KCNQ1: variants seen among roughly 807,000 people sequenced by gnomAD.
KCNQ1 encodes potassium voltage-gated channel subfamily KQT member 1.
Under a neutral mutation model 72.4 loss-of-function variants are expected in KCNQ1, and 49 were observed. The observed-to-expected ratio is 0.68, with a 90% confidence interval of 0.54 to 0.86. The LOEUF (loss-of-function observed/expected upper bound fraction) is 0.86, where lower values mean the gene tolerates loss of function less well. KCNQ1 is among the 40% of genes least tolerant of loss of function. The pLI is 0.00. For missense variants in KCNQ1, 790 were observed against 945.1 expected (o/e 0.84, Z 2.15); for synonymous variants, 450 against 412.6 (o/e 1.09, Z -1.10).
Position 2,687,283 on chromosome 11 carries a change from T to G in KCNQ1, c.1514+25202T>G. On this transcript the variant is annotated intron_variant, in intron 11 of 15. Coordinates refer to ENST00000155840, the MANE Select transcript of KCNQ1 (RefSeq NM_000218.3). The surrounding 1 kb of genome is among the most constrained non-coding windows in gnomAD (Gnocchi z 5.0). ...GCTTCTCTCCTCTGGCCTCCCACCTTGCAGCTTTGAGATCCCAGGCCTCTC... is the reference window on the plus strand; with the variant it reads ...GCTTCTCTCCTCTGGCCTCCCACCTGGCAGCTTTGAGATCCCAGGCCTCTC... 2.5e-6 allele frequency: 1 copy of G among 398,666 alleles called. No homozygotes were observed. Among genetic ancestry groups the G allele is most frequent in the Non-Finnish European group, 4.4e-6 (1 of 226,114 alleles). 24.7% of individuals were successfully genotyped at this position (398,666 alleles called of 1,614,324 possible).
At chr11:2,742,827 C>T (rs542829517) in intron 11 of KCNQ1, among the ~76,000 whole-genome samples, 2 of 152,176 alleles carry the variant, frequency 1.3e-5, no homozygotes, top group South Asian at 4.1e-4. Context: ...AGTAGGCCAG[C>T]GGCTTAGGGA....
rs1846777260 is a variant in KCNQ1 at position 2,488,463 on chromosome 11, T to C, written c.387-39465T>C. Among the ~76,000 whole-genome samples, 1 of 152,210 alleles carries C rather than the reference T, an allele frequency of 6.6e-6. No homozygotes were observed. Among genetic ancestry groups the C allele is most frequent in the Non-Finnish European group, 1.5e-5 (1 of 68,028 alleles). Reference sequence around the variant, plus strand: ...TCTTTAAATATTTGGTAGGATTCATTGGGGAAGCCATCAGGTCCAGGCTTT... The same window carrying C: ...TCTTTAAATATTTGGTAGGATTCATCGGGGAAGCCATCAGGTCCAGGCTTT... On this transcript the variant is annotated intron_variant, in intron 1 of 15. Transcript: ENST00000155840. The surrounding 1 kb of genome is among the most constrained non-coding windows in gnomAD (Gnocchi z 5.1).
chr11:2,641,081 T>C, intron 10 of KCNQ1: 1 of 398,524 alleles, frequency 2.5e-6, no homozygotes, highest in Non-Finnish European at 4.4e-6. Flanking sequence ...TACACTTAGG[T>C]TCCTGAGTCC....
intron 1 of KCNQ1, among the ~76,000 whole-genome samples, chr11:2,503,432 C>G (rs996709388): frequency 6.6e-6 from 1 of 151,500 alleles, no homozygotes; most frequent in Non-Finnish European, 1.5e-5. Context: ...AGCAAACTAT[C>G]GCAAGGACAG....
chr11:2,726,794 C>T (rs1845772530), intron 11 of KCNQ1, among the ~76,000 whole-genome samples: 1 of 152,220 alleles, frequency 6.6e-6, no homozygotes, highest in African/African-American at 2.4e-5. Flanking sequence ...GTGCCCATCT[C>T]CTCACTGCTT....
At chr11:2,456,956 A>AGC (rs1336315482) in intron 1 of KCNQ1, among the ~76,000 whole-genome samples, 2 of 106,280 alleles carry the variant, frequency 1.9e-5, no homozygotes, top group African/African-American at 9.7e-5. Flanking sequence ...AAAAAAAAAA[A>AGC]AAAAAAAAAC....
chr11:2,547,850 G>A lies in KCNQ1; in HGVS notation c.477+19832G>A, dbSNP rs1191869371. On this transcript the variant is annotated intron_variant, in intron 2 of 15. Transcript: ENST00000155840. This position sits in a 1 kb window ranked among gnomAD's most constrained non-coding sequence, Gnocchi z 4.2. ...GTATGGAGGTGAAGGTCCAGATGTT[G>A]GGGTTTCAGGGTCAAGCATTCCTGG... is the stretch of plus-strand genomic sequence containing the variant. Among the ~76,000 whole-genome samples, 3 of 152,210 alleles carry A rather than the reference G, an allele frequency of 2.0e-5. No homozygotes were observed. Among genetic ancestry groups the A allele is most frequent in the Admixed American group, 6.5e-5 (1 of 15,284 alleles).
At chr11:2,804,715 GGCACAGGATGAGCCTT>G (rs1325945210) in intron 15 of KCNQ1, among the ~76,000 whole-genome samples, 3 of 152,176 alleles carry the variant, frequency 2.0e-5, no homozygotes, top group African/African-American at 7.2e-5. Flanking sequence ...CCTGGCCCTT[GGCACAGGATGAGCCTT>G]GCAGACGGAG....
At position 2,611,147 on chromosome 11, in the gene KCNQ1, G is replaced by A. The variant is rs554756109; in HGVS notation, c.1393+22293G>A. On this transcript the variant is annotated intron_variant, in intron 10 of 15. Transcript: ENST00000155840. This position sits in a 1 kb window ranked among gnomAD's most constrained non-coding sequence, Gnocchi z 5.3. ...TTCTTCCTGTTAAATTTTCCCTTTT[G>A]TCATTGTAAAATGCTTCTCAGTATC... 2.5e-6 allele frequency: 1 copy of A among 398,130 alleles called. No homozygotes were observed. Among genetic ancestry groups the A allele is most frequent in the South Asian group, 1.3e-4 (1 of 7,846 alleles). The allele number at this position is 398,130 out of a possible 1,614,324, so 24.7% of individuals were successfully genotyped here. A position where few individuals can be genotyped will look rare whatever the true frequency, so the allele number is the denominator to read the frequency against.
intron 15 of KCNQ1, among the ~76,000 whole-genome samples, chr11:2,789,231 G>T (rs1472706123): frequency 6.6e-6 from 1 of 152,106 alleles, no homozygotes; most frequent in Non-Finnish European, 1.5e-5. Flanking sequence ...CCCTGTGCTG[G>T]CATGGGTGCG....
intron 1 of KCNQ1, among the ~76,000 whole-genome samples, chr11:2,513,854 C>T (rs1368013830): frequency 6.6e-6 from 1 of 152,210 alleles, no homozygotes; most frequent in Non-Finnish European, 1.5e-5. Flanking sequence ...GGAGGAAGGC[C>T]AGGTGCAGAA....
intron 11 of KCNQ1, chr11:2,697,199 T>TTCTAAGA (rs1850691776): frequency 2.5e-6 from 1 of 398,528 alleles, no homozygotes; most frequent in South Asian, 1.3e-4. Context: ...TAGTTTTAAC[T>TTCTAAGA]TCTAAGATGG....
rs1473050202 is a variant in KCNQ1, at chr11:2,550,837, G to A, written c.478-19791G>A. ...TTCACCTAGCACCTGGCTCCCCGGG[G>A]GCCCAGATGGCAGGCGAGGGGTGCC... On this transcript the variant is annotated intron_variant, in intron 2 of 15. Transcript: ENST00000155840. This position sits in a 1 kb window ranked among gnomAD's most constrained non-coding sequence, Gnocchi z 6.0. Among the ~76,000 whole-genome samples the A allele has an allele frequency of 2.6e-5, 4 of 152,048 alleles. No homozygotes were observed.
intron 11 of KCNQ1, among the ~76,000 whole-genome samples, chr11:2,719,854 G>A (rs2133928352): frequency 6.6e-6 from 1 of 152,330 alleles, no homozygotes; most frequent in Non-Finnish European, 1.5e-5. Context: ...GGCCCTTGGA[G>A]GTGTCCGAAT....
chr11:2,615,985 G>A, intron 10 of KCNQ1: 1 of 398,096 alleles, frequency 2.5e-6, no homozygotes, highest in Non-Finnish European at 4.4e-6. Flanking sequence ...CGCCATCTGT[G>A]TAGCATTTTC....
chr11:2,500,315 C>A (rs947445389), intron 1 of KCNQ1, among the ~76,000 whole-genome samples: 1 of 152,138 alleles, frequency 6.6e-6, no homozygotes. Context: ...CAAATCAAAA[C>A]CACAATGAGA....
chr11:2,689,231 A>G (rs1394040789), intron 11 of KCNQ1: 1 of 398,630 alleles, frequency 2.5e-6, no homozygotes, highest in East Asian at 3.6e-5. Context: ...GTTTAGGCCA[A>G]GCTTTGAAGT....
At chr11:2,832,676 T>G (rs576588932) in intron 15 of KCNQ1, among the ~76,000 whole-genome samples, 1 of 152,332 alleles carries the variant, frequency 6.6e-6, no homozygotes, top group South Asian at 2.1e-4. Flanking sequence ...ATGTTCCCTC[T>G]GTAGCTCCCG....
rs1847291604 is a variant in KCNQ1, at chr11:2,516,517, G to C, written c.387-11411G>C. ...AAGCCTTTGAGATGGACAGGGAGCTGGACCTTCCCAATTCGGTTGCCCTTG... is the reference window on the plus strand; with the variant it reads ...AAGCCTTTGAGATGGACAGGGAGCTCGACCTTCCCAATTCGGTTGCCCTTG... On this transcript the variant is annotated intron_variant, in intron 1 of 15. Coordinates refer to ENST00000155840, the MANE Select transcript of KCNQ1 (RefSeq NM_000218.3). This position sits in a 1 kb window ranked among gnomAD's most constrained non-coding sequence, Gnocchi z 7.0. 6.6e-6 allele frequency among the ~76,000 whole-genome samples: 1 copy of C among 152,098 alleles called. No homozygotes were observed. Among genetic ancestry groups the C allele is most frequent in the Non-Finnish European group, 1.5e-5 (1 of 68,020 alleles).
Sources: gnomAD v4.1 joint callset for allele counts (sites outside exome capture counted in the v4.1 genomes callset) on GRCh38, gnomAD v4.1.1 for gene constraint, Gnocchi (gnomAD v3.1) non-coding constraint, MANE v1.5 for transcripts, NCBI Gene and HGNC (gene_info 2026-07-23, HGNC 2026-07-21) for gene names.